Variants in VNN2 observed in about 807,000 individuals in gnomAD.
The protein encoded by VNN2 is vanin 2.
Under a neutral mutation model 43.0 loss-of-function variants are expected in VNN2, and 43 were observed. The observed-to-expected ratio is 1.00, with a 90% CI of 0.78 to 1.29. VNN2 has a LOEUF of 1.29. VNN2 is among the 50% of genes most tolerant of loss of function. VNN2 has a pLI of 0.00. For missense variants in VNN2, 652 were observed against 619.7 expected, an observed-to-expected ratio of 1.05 and a Z score of -0.55; for synonymous variants, 230 against 224.3, an observed-to-expected ratio of 1.03 and a Z score of -0.23.
rs1554217889 is a variant in VNN2 at position 132,751,011 on chromosome 6, T to TGTTG, written c.1200+133_1200+134insCAAC. ...ATAAATGCACGTGTGTGTGTGTGTG[T>TGTTG]TGTGTGTGTGTGTGTTGCCATCAAT... On this transcript the variant is annotated intron_variant, in intron 5 of 6. Coordinates refer to ENST00000326499, the MANE Select transcript of VNN2 (RefSeq NM_004665.6). 5.0e-5 allele frequency: 47 copies of TGTTG among 935,770 alleles called. No individual in the cohort carries two copies. The African/African-American group carries it at 7.7e-4, about 15-fold the overall frequency. 58.0% of individuals were successfully genotyped at this position (935,770 alleles called of 1,614,324 possible).
Position 132,757,424 on chromosome 6 carries a change from G to A in VNN2, c.336C>T (p.Asp112=). The change falls in exon 2 of 7, where the codon GAC becomes GAT. Residue 112 remains aspartate (D), a synonymous_variant. Coordinates refer to ENST00000326499, the MANE Select transcript of VNN2 (RefSeq NM_004665.6). ...TAAGATAGTTAAAATACCTGTGGGG[G>A]TCTTGACACGGAATCCAGTTCACCT... ...DPQVNWIPCQ[D]PHRFGHTPVQ... The A allele has an allele frequency of 6.2e-7, 1 of 1,605,582 alleles. No homozygotes were observed. Among genetic ancestry groups the A allele is most frequent in the Non-Finnish European group, 8.5e-7 (1 of 1,177,362 alleles).
intron 3 of VNN2, chr6:132,753,577 G>A: frequency 7.4e-6 from 3 of 408,068 alleles, no homozygotes; most frequent in Non-Finnish European, 9.6e-6. Context: ...ATAATAAATG[G>A]AATCAACAGT....
At chr6:132,747,015 TC>T (rs995394317) in intron 6 of VNN2, among the ~76,000 whole-genome samples, 3 of 152,162 alleles carry the variant, frequency 2.0e-5, no homozygotes, top group African/African-American at 7.2e-5. Context: ...CTCTTTCATA[TC>T]TTTTTTGGTG....
Position 132,751,439 on chromosome 6 carries a change from T to C in VNN2, c.906A>G (p.Ser302=), listed in dbSNP as rs2114564867. The change falls in exon 5 of 7, where the codon TCA becomes TCG. Residue 302 remains serine (S), a synonymous_variant. Coordinates refer to ENST00000326499, the MANE Select transcript of VNN2 (RefSeq NM_004665.6). The stretch of plus-strand genomic sequence containing the variant: ...AGGATAGGGGATGTGAATCCACCTC[T>C]GAAAGGAGAAGTTTTCCCAACTCTG... The part of the protein sequence containing the change: ...MKTELGKLLL[S]EVDSHPLSSL... 1 of 1,614,202 alleles carries C rather than the reference T, an allele frequency of 6.2e-7. No individual in the cohort carries two copies. The highest frequency in any genetic ancestry group is 8.5e-7 in the Non-Finnish European group (1 of 1,180,030).
At chr6:132,759,457 A>C (rs901362111), upstream of VNN2, among the ~76,000 whole-genome samples, 1 of 151,462 alleles carries the variant, frequency 6.6e-6, no homozygotes, top group African/African-American at 2.4e-5. Flanking sequence ...AAAAAAAAAA[A>C]AAAACAATAA....
upstream of VNN2, among the ~76,000 whole-genome samples, chr6:132,759,336 G>A (rs572583044): frequency 3.7e-4 from 56 of 151,254 alleles, no homozygotes; most frequent in African/African-American, 1.2e-3. Context: ...CTACTCGGGA[G>A]GCTGAGGCAG....
rs1294333394 is a variant in VNN2 at position 132,757,406 on chromosome 6, G to A, written c.344+10C>T. 6.3e-6 allele frequency: 10 copies of A among 1,588,072 alleles called. No homozygotes were observed. Among genetic ancestry groups the A allele is most frequent in the Non-Finnish European group, 8.5e-6 (10 of 1,171,280 alleles). ...TACTTTTGCACAAAAGACTAAGATA[G>A]TTAAAATACCTGTGGGGGTCTTGAC... On this transcript the variant is annotated intron_variant, in intron 2 of 6. Transcript: ENST00000326499.
At chr6:132,753,069 C>T (rs112713976) in intron 3 of VNN2, 12 of 220,974 alleles carry the variant, frequency 5.4e-5, no homozygotes, top group African/African-American at 2.1e-4. Flanking sequence ...TTTTCTGAGA[C>T]GGAGCCTCGC....
intron 6 of VNN2, among the ~76,000 whole-genome samples, chr6:132,747,134 C>G (rs754108701): frequency 6.6e-6 from 1 of 152,038 alleles, no homozygotes; most frequent in Non-Finnish European, 1.5e-5. Context: ...GGTGCTATGC[C>G]CCCTTCCCTC....
intron 2 of VNN2, 51 bp downstream of exon 2, chr6:132,757,365 G>A (rs1245331096): frequency 1.3e-6 from 2 of 1,540,542 alleles, no homozygotes; most frequent in East Asian, 2.3e-5. Flanking sequence ...TGGTGAACGT[G>A]CGCATTTTAG....
At chr6:132,752,433 G>A (rs1457426527) in intron 4 of VNN2, 28 bp downstream of exon 4, 9 of 1,583,450 alleles carry the variant, frequency 5.7e-6, no homozygotes, top group Non-Finnish European at 7.7e-6. Context: ...AAAAATATAA[G>A]ATGAAACCTA....
upstream of VNN2, among the ~76,000 whole-genome samples, chr6:132,759,461 A>AAC (rs1491020210): frequency 6.9e-6 from 1 of 145,824 alleles, no homozygotes; most frequent in Non-Finnish European, 1.5e-5. Context: ...AAAAAAAAAA[A>AAC]CAATAATAAC....
At chr6:132,756,084 G>A in intron 2 of VNN2, 49 bp from the exon 3 acceptor site, 1 of 1,468,968 alleles carries the variant, frequency 6.8e-7, no homozygotes, top group Non-Finnish European at 9.0e-7. Flanking sequence ...AAATATTTTA[G>A]TCACTTTATA....
At chr6:132,752,843 G>A (rs1032325737) in intron 3 of VNN2, 94 bp from the exon 4 acceptor site, 7 of 1,384,008 alleles carry the variant, frequency 5.1e-6, no homozygotes, top group African/African-American at 4.4e-5. Context: ...ATTTGGCTAT[G>A]GTCAACTGCA....
At chr6:132,751,074 G>T in intron 5 of VNN2, 71 bp downstream of exon 5, 1 of 1,517,088 alleles carries the variant, frequency 6.6e-7, no homozygotes. Flanking sequence ...CTGGTTTTCT[G>T]GAACAAATAT....
At position 132,753,368 on chromosome 6, in the gene VNN2, T is replaced by C. The variant is rs1430034020; in HGVS notation, c.538-619A>G. 2.1e-5 allele frequency: 8 copies of C among 387,698 alleles called. No homozygotes were observed. In the East Asian group the frequency reaches 4.4e-4, roughly 21 times the overall value. 24.0% of individuals were successfully genotyped at this position (387,698 alleles called of 1,614,324 possible). ...TTAAAAAACATGCATTATTCTTCTT[T>C]GAATCCTTGGTGCCTAGAAACGTAA... On this transcript the variant is annotated intron_variant, in intron 3 of 6. Transcript: ENST00000326499.
intron 6 of VNN2, 57 bp from the exon 7 acceptor site, chr6:132,744,548 A>T: frequency 6.7e-7 from 1 of 1,489,324 alleles, no homozygotes. Context: ...GTTAAAAGCA[A>T]ATTAATCATT....
At chr6:132,746,374 A>G (rs1582813343) in intron 6 of VNN2, among the ~76,000 whole-genome samples, 1 of 152,362 alleles carries the variant, frequency 6.6e-6, no homozygotes, top group South Asian at 2.1e-4. Context: ...ATCCATCAAC[A>G]GAACTGAGAA....
chr6:132,753,800 A>T (rs1047479240), intron 3 of VNN2: 2 of 178,298 alleles, frequency 1.1e-5, no homozygotes, highest in African/African-American at 4.8e-5. Flanking sequence ...AAAAAATCCA[A>T]AAATTAGCCG....
Sources: gnomAD v4.1 joint callset for allele counts (sites outside exome capture counted in the v4.1 genomes callset) on GRCh38, gnomAD v4.1.1 for gene constraint, MANE v1.5 for transcripts, NCBI Gene and HGNC (gene_info 2026-07-23, HGNC 2026-07-21) for gene names.